The following RP1 variants were observed in gnomAD, a reference collection of about 807,000 sequenced individuals.
RP1 encodes the protein RP1 axonemal microtubule associated.
In RP1, 16 loss-of-function variants were observed where a neutral mutation model predicts 14.8. The observed-to-expected ratio is 1.08, with a 90% confidence interval of 0.73 to 1.65. RP1 has a LOEUF of 1.65. RP1 is among the 40% of genes most tolerant of loss of function. The probability of loss-of-function intolerance (pLI) is 0.00; values close to 1 mark genes in which losing one functional copy is unlikely to be tolerated. For synonymous variants in RP1, 876 were observed against 883.6 expected (o/e 0.99, Z 0.15); for missense variants, 2,631 against 2,535.0 (o/e 1.04, Z -0.81).
chr8:54,665,851 A>G lies in RP1; in HGVS notation c.1323+2001A>G, dbSNP rs955610853. On this transcript the variant is annotated intron_variant, in intron 7 of 22. Transcript: ENST00000636932. Reference sequence around the variant, plus strand: ...ATAATTAAAAATGTAACCCATGGAAATCGTTGGGAAACTTGACATTAGGTG... The same window carrying G: ...ATAATTAAAAATGTAACCCATGGAAGTCGTTGGGAAACTTGACATTAGGTG... Among the ~76,000 whole-genome samples the G allele has an allele frequency of 3.9e-5, 6 of 152,172 alleles. No individual in the cohort carries two copies. The East Asian group carries it at 7.7e-4, about 20-fold the overall frequency.
chr8:54,694,380 T>C (rs978003343), intron 12 of RP1, among the ~76,000 whole-genome samples: 6 of 152,200 alleles, frequency 3.9e-5, no homozygotes, highest in Admixed American at 3.3e-4. Flanking sequence ...ATTGGAATAG[T>C]TTCAGAAGGA....
intron 26 of RP1, chr8:54,852,787 C>T: frequency 8.5e-7 from 1 of 1,177,586 alleles, no homozygotes; most frequent in Non-Finnish European, 1.1e-6. Context: ...ATTTATTTAA[C>T]AAAAACACAC....
intron 1 of RP1, among the ~76,000 whole-genome samples, chr8:54,600,102 C>A (rs1467633218): frequency 6.6e-6 from 1 of 152,092 alleles, no homozygotes; most frequent in East Asian, 1.9e-4. Context: ...CCACAATTCC[C>A]ACATGTTGTA....
intron 25 of RP1, among the ~76,000 whole-genome samples, chr8:54,844,925 G>C (rs1024374688): frequency 6.6e-6 from 1 of 152,090 alleles, no homozygotes; most frequent in Admixed American, 6.5e-5. Context: ...ATTCTCTTAG[G>C]GGGAGCTCCT....
rs1346216861 is a variant in RP1, at chr8:54,630,699, G to A, written c.*346G>A. 2 of 1,093,506 alleles carry A rather than the reference G, an allele frequency of 1.8e-6. No individual in the cohort carries two copies. The highest frequency in any genetic ancestry group is 4.9e-5 in the Admixed American group (1 of 20,368). 67.7% of individuals were successfully genotyped at this position (1,093,506 alleles called of 1,614,324 possible). ...CTTTTTAAAAAATGTTGTTAGCTTG[G>A]TGTAAAATGTATATTGACTGTATTG... On this transcript the variant is annotated 3_prime_UTR_variant, in exon 4 of 4. Coordinates refer to ENST00000220676, the MANE Select transcript of RP1 (RefSeq NM_006269.2).
At chr8:54,824,267 G>A (rs1811330899) in intron 24 of RP1, among the ~76,000 whole-genome samples, 1 of 151,782 alleles carries the variant, frequency 6.6e-6, no homozygotes, top group African/African-American at 2.4e-5. Context: ...GAAAATAAGG[G>A]AACACCACAA....
chr8:54,697,150 A>T lies in RP1; in HGVS notation c.1718-2317A>T, dbSNP rs949644906. The T allele has an allele frequency of 4.3e-6, 4 of 930,510 alleles. No individual in the cohort carries two copies. The African/African-American group carries it at 4.9e-5, about 11-fold the overall frequency. 57.6% of individuals were successfully genotyped at this position (930,510 alleles called of 1,614,324 possible). On this transcript the variant is annotated intron_variant, in intron 12 of 22. Coordinates refer to the RP1 transcript ENST00000636932. ...AGACCTAGGTGCCGAACAGCACTAC[A>T]TTTTTATCAATGAAGTGGAAGCATG...
intron 24 of RP1, among the ~76,000 whole-genome samples, chr8:54,797,375 GT>G (rs1318975082): frequency 1.3e-5 from 2 of 152,148 alleles, no homozygotes; most frequent in African/African-American, 4.8e-5. Context: ...GGCTGTAATA[GT>G]TTTGGAAATG....
exon 15 of RP1, chr8:54,706,514 T>C: frequency 6.5e-7 from 1 of 1,535,906 alleles, no homozygotes; most frequent in South Asian, 1.2e-5. Context: ...TCCAGCCTGA[T>C]GGAAGCTGCA....
chr8:54,603,417 A>G (rs989823731), intron 1 of RP1, among the ~76,000 whole-genome samples: 18 of 152,170 alleles, frequency 1.2e-4, no homozygotes, highest in African/African-American at 4.3e-4. Flanking sequence ...TGGTACCAGT[A>G]CCATGCTGTT....
intron 24 of RP1, among the ~76,000 whole-genome samples, chr8:54,822,305 G>C (rs1157805757): frequency 6.6e-6 from 1 of 152,146 alleles, no homozygotes; most frequent in African/African-American, 2.4e-5. Context: ...TTTATCCAGA[G>C]AGTAGCATAT....
chr8:54,753,551 G>A (rs1809425490), intron 19 of RP1, among the ~76,000 whole-genome samples: 1 of 152,194 alleles, frequency 6.6e-6, no homozygotes, highest in Non-Finnish European at 1.5e-5. Context: ...ACTGTTCTAA[G>A]CAGAGCTACG....
downstream of RP1, chr8:54,769,988 G>T: frequency 1.9e-6 from 1 of 515,280 alleles, no homozygotes; most frequent in Non-Finnish European, 3.4e-6. Flanking sequence ...GAAATGTTGT[G>T]TGCCCTAATT....
intron 27 of RP1, among the ~76,000 whole-genome samples, chr8:54,859,439 TTCACTGTAGGGTGGTG>T (rs1812289195): frequency 6.6e-6 from 1 of 150,652 alleles, no homozygotes; most frequent in Non-Finnish European, 1.5e-5. Context: ...TGTACAGGGT[TTCACTGTAGGGTGGTG>T]TCACTGTAGC....
At chr8:54,769,700 T>G (rs899536674) in intron 22 of RP1, 2 of 1,276,756 alleles carry the variant, frequency 1.6e-6, no homozygotes, top group African/African-American at 3.0e-5. Flanking sequence ...TCTCTCTATT[T>G]TCTCCTCTCT....
intron 12 of RP1, among the ~76,000 whole-genome samples, chr8:54,682,651 T>C (rs1404090292): frequency 2.0e-5 from 3 of 152,180 alleles, no homozygotes; most frequent in Non-Finnish European, 4.4e-5. Context: ...TAATGGGTTT[T>C]TTTTTCTTGT....
chr8:54,809,183 G>T (rs899598910), intron 24 of RP1, among the ~76,000 whole-genome samples: 1 of 152,134 alleles, frequency 6.6e-6, no homozygotes, highest in Non-Finnish European at 1.5e-5. Context: ...CTCTATACAA[G>T]ATTGAATTTG....
rs750976154 is a variant in RP1 at position 54,624,948 on chromosome 8, A to T, written c.1066A>T (p.Thr356Ser). The T allele has an allele frequency of 6.2e-7, 1 of 1,614,204 alleles. No individual in the cohort carries two copies. Among genetic ancestry groups the T allele is most frequent in the Non-Finnish European group, 8.5e-7 (1 of 1,180,038 alleles). ...TIKWTTTVSK[T>S]GPSNNDEKSE... ...AAAATGGACAACTACTGTCAGTAAA[A>T]CTGGTCCTTCTAATAATGATGAAAA... The change falls in exon 4 of 4, where the codon ACT (threonine) becomes TCT (serine). Residue 356 changes from threonine (T) to serine (S), a missense_variant. Transcript: ENST00000220676.
At position 54,621,358 on chromosome 8, in the gene RP1, G is replaced by C. The variant is rs752150870; in HGVS notation, c.392G>C (p.Arg131Pro). 1.4e-5 allele frequency: 23 copies of C among 1,611,730 alleles called. No individual in the cohort carries two copies. Among genetic ancestry groups the C allele is most frequent in the East Asian group, 2.2e-5 (1 of 44,816 alleles). Residue 131 changes from arginine (R) to proline (P), a missense_variant, in exon 2 of 4, where the codon CGG becomes CCG. Transcript: ENST00000220676. ...RRRPRPWLSS[R>P]AISAHSPPHP... ...CGCCCGCGGCCCTGGCTCAGCAGCCGGGCCATTAGCGCGCACTCACCGCCC... is the reference window on the plus strand; with the variant it reads ...CGCCCGCGGCCCTGGCTCAGCAGCCCGGCCATTAGCGCGCACTCACCGCCC...
Sources: allele counts gnomAD v4.1 joint callset (sites outside exome capture counted in the v4.1 genomes callset), GRCh38; gene constraint gnomAD v4.1.1; transcripts MANE v1.5; gene names NCBI Gene and HGNC (gene_info 2026-07-23, HGNC 2026-07-21).